The following KIAA1217 variants were observed in gnomAD, a reference collection of about 807,000 sequenced individuals.
The protein encoded by KIAA1217 is KIAA1217, also known as sickle tail protein homolog.
KIAA1217 carries 88 observed loss-of-function variants against 163.9 expected under a neutral mutation model. That is an observed-to-expected ratio of 0.54 (90% CI 0.45 to 0.64). KIAA1217 has a LOEUF of 0.64. KIAA1217 is among the 30% of genes least tolerant of loss of function. The probability of loss-of-function intolerance (pLI) is 0.00; values close to 1 mark genes in which losing one functional copy is unlikely to be tolerated. For synonymous variants in KIAA1217, 903 were observed against 923.1 expected (o/e 0.98, Z 0.39); for missense variants, 2,372 against 2,475.0 (o/e 0.96, Z 0.88).
At chr10:23,847,087 A>T (rs977605493) in intron 1 of KIAA1217, among the ~76,000 whole-genome samples, 1 of 152,136 alleles carries the variant, frequency 6.6e-6, no homozygotes, top group Non-Finnish European at 1.5e-5. Context: ...TATGAAGCCA[A>T]CTTGATTGTG....
At chr10:24,542,588 G>T in intron 17 of KIAA1217, 105 bp from the exon 18 acceptor site, 1 of 1,556,882 alleles carries the variant, frequency 6.4e-7, no homozygotes, top group Non-Finnish European at 8.8e-7. Context: ...AATATGCGTG[G>T]CCCGCATGTC....
chr10:23,953,598 A>T (rs1844434739), intron 1 of KIAA1217, among the ~76,000 whole-genome samples: 1 of 152,230 alleles, frequency 6.6e-6, no homozygotes, highest in Non-Finnish European at 1.5e-5. Context: ...CATATTTTCT[A>T]TACCCGACTC....
chr10:24,416,680 A>C (rs917365724), intron 3 of KIAA1217, among the ~76,000 whole-genome samples: 1 of 152,144 alleles, frequency 6.6e-6, no homozygotes, highest in African/African-American at 2.4e-5. Context: ...TGTGGGCTGG[A>C]TCATGTGATC....
chr10:24,134,796 C>T (rs934868142), intron 2 of KIAA1217, among the ~76,000 whole-genome samples: 8 of 152,210 alleles, frequency 5.3e-5, no homozygotes, highest in Admixed American at 4.6e-4. Flanking sequence ...AAGCTGATCT[C>T]GAACTCCTAA....
At chr10:23,942,331 G>T (rs1349650592) in intron 1 of KIAA1217, among the ~76,000 whole-genome samples, 2 of 152,058 alleles carry the variant, frequency 1.3e-5, no homozygotes, top group African/African-American at 4.8e-5. Flanking sequence ...GAACAATGAG[G>T]AATACCAGAA....
At chr10:24,021,114 A>T (rs1847712221) in intron 2 of KIAA1217, among the ~76,000 whole-genome samples, 1 of 152,034 alleles carries the variant, frequency 6.6e-6, no homozygotes, top group Non-Finnish European at 1.5e-5. Flanking sequence ...AAAGGAACAT[A>T]TGACTAGTAA....
At chr10:24,503,139 A>T (rs1282122544) in intron 9 of KIAA1217, among the ~76,000 whole-genome samples, 1 of 152,178 alleles carries the variant, frequency 6.6e-6, no homozygotes, top group Non-Finnish European at 1.5e-5. Flanking sequence ...CCACCTAATG[A>T]AAGCTAAGAA....
Position 24,182,438 on chromosome 10 carries a change from T to TCACACACACACACACACACA in KIAA1217, c.-170-37173_-170-37154dup, listed in dbSNP as rs3222547. On this transcript the variant is annotated intron_variant, in intron 2 of 18. Transcript: ENST00000376462. ...ACCTGGATGACAGAGCAAGACTCCATCACACACACACACACACACACACAC... is the reference window on the plus strand; with the variant it reads ...ACCTGGATGACAGAGCAAGACTCCATCACACACACACACACACACACACACACACACACACACACACACAC... Among the ~76,000 whole-genome samples, 803 of 144,928 alleles carry TCACACACACACACACACACA rather than the reference T, an allele frequency of 5.5e-3. 9 individuals are homozygous for TCACACACACACACACACACA. The highest frequency in any genetic ancestry group is 8.2e-3 in the Non-Finnish European group (542 of 66,118).
chr10:24,210,716 C>G (rs1460873642), intron 1 of KIAA1217, among the ~76,000 whole-genome samples: 1 of 152,156 alleles, frequency 6.6e-6, no homozygotes, highest in Non-Finnish European at 1.5e-5. Flanking sequence ...GTAGACGTCA[C>G]TGTTTTAGCT....
intron 1 of KIAA1217, among the ~76,000 whole-genome samples, chr10:23,704,172 G>GTGTGTGTGTGTGTATATATATATA (rs1229370789): frequency 2.5e-5 from 1 of 39,926 alleles, no homozygotes; most frequent in African/African-American, 1.3e-4. Context: ...GTGTGTGTGT[G>GTGTGTGTGTGTGTATATATATATA]TATATATATA....
intron 2 of KIAA1217, among the ~76,000 whole-genome samples, chr10:24,327,921 G>T (rs960075067): frequency 2.0e-5 from 3 of 152,146 alleles, no homozygotes; most frequent in Non-Finnish European, 4.4e-5. Flanking sequence ...CCAGGCCCGG[G>T]ATTCTGGGTC....
intron 6 of KIAA1217, chr10:24,481,914 C>T (rs1324844302): frequency 6.6e-6 from 1 of 152,148 alleles, no homozygotes; most frequent in Non-Finnish European, 1.5e-5. Flanking sequence ...ATTTGCTATA[C>T]TTTTACCATC....
intron 8 of KIAA1217, 96 bp from the exon 9 acceptor site, chr10:24,501,283 C>A: frequency 8.7e-7 from 1 of 1,151,536 alleles, no homozygotes; most frequent in Non-Finnish European, 1.2e-6. Context: ...AGAATTAGGC[C>A]TTTTTAGAAT....
chr10:23,741,799 G>C (rs1839129851), intron 1 of KIAA1217, among the ~76,000 whole-genome samples: 1 of 152,176 alleles, frequency 6.6e-6, no homozygotes, highest in Non-Finnish European at 1.5e-5. Context: ...AGGGGCTAGG[G>C]ATATAGGCAC....
chr10:24,308,534 G>A lies in KIAA1217; in HGVS notation c.355-72335G>A, dbSNP rs190503257. 8.5e-5 allele frequency among the ~76,000 whole-genome samples: 13 copies of A among 152,324 alleles called. No individual in the cohort carries two copies. In the East Asian group the frequency reaches 2.5e-3, roughly 29 times the overall value. On this transcript the variant is annotated intron_variant, in intron 2 of 20. Coordinates refer to ENST00000376454, the MANE Select transcript of KIAA1217 (RefSeq NM_019590.5). ...GGTCCACTGAATGGAGAAGAAGGCA[G>A]GCCATCAGCCTTCTTAGGGTTTAAT...
At chr10:23,838,415 A>T (rs1221416540) in intron 1 of KIAA1217, among the ~76,000 whole-genome samples, 1 of 152,158 alleles carries the variant, frequency 6.6e-6, no homozygotes, top group East Asian at 1.9e-4. Flanking sequence ...ATGACACTTC[A>T]TGGCTAGGGA....
In KIAA1217 at chr10:23,810,228, A is replaced by G. The variant is rs535852882; in HGVS notation, c.-321+114994A>G. On this transcript the variant is annotated intron_variant, in intron 1 of 18. Coordinates refer to the KIAA1217 transcript ENST00000376462. The stretch of plus-strand genomic sequence containing the variant: ...CATCCATTCATCTATCTGTCTGTCT[A>G]TCTACCTACCTACCTACCCTCTTTC... 3.3e-5 allele frequency among the ~76,000 whole-genome samples: 5 copies of G among 151,108 alleles called. No individual in the cohort carries two copies. The East Asian group carries it at 9.7e-4, about 29-fold the overall frequency.
chr10:24,104,566 C>G (rs909137379), intron 2 of KIAA1217, among the ~76,000 whole-genome samples: 7 of 152,260 alleles, frequency 4.6e-5, no homozygotes, highest in Non-Finnish European at 1.0e-4. Flanking sequence ...AGTGAAAATA[C>G]TTTGCATGAT....
chr10:24,528,064 A>T lies in KIAA1217; in HGVS notation c.3027A>T (p.Pro1009=). The T allele has an allele frequency of 6.2e-7, 1 of 1,614,194 alleles. No homozygotes were observed. Among genetic ancestry groups the T allele is most frequent in the Non-Finnish European group, 8.5e-7 (1 of 1,180,014 alleles). ...CAATACCAAATCTGGAGATGCCGCC[A>T]GCCACAGGCCCACTGCCAAGGGGAG... ...MKSIPNLEMP[P]ATGPLPRGDA... is the part of the protein sequence containing the mutation. Residue 1009 remains proline, a synonymous_variant, in exon 14 of 21, where the codon CCA becomes CCT. Coordinates refer to ENST00000376454, the MANE Select transcript of KIAA1217 (RefSeq NM_019590.5).
Sources: gnomAD v4.1 joint callset for allele counts (sites outside exome capture counted in the v4.1 genomes callset) on GRCh38, gnomAD v4.1.1 for gene constraint, MANE v1.5 for transcripts, NCBI Gene and HGNC (gene_info 2026-07-23, HGNC 2026-07-21) for gene names.